The following PDLIM5 variants were observed in gnomAD, a reference collection of about 807,000 sequenced individuals.
PDLIM5 encodes the protein PDZ and LIM domain 5.
In PDLIM5, 34 loss-of-function variants were observed where a neutral mutation model predicts 64.2. The ratio of observed to expected loss-of-function variants is 0.53; its 90% CI spans 0.40 to 0.71. PDLIM5 has a LOEUF of 0.71. PDLIM5 is among the 30% of genes least tolerant of loss of function. PDLIM5 has a pLI of 0.00. For missense variants in PDLIM5, 683 were observed against 733.6 expected (o/e 0.93, Z 0.80); for synonymous variants, 253 against 269.1 (o/e 0.94, Z 0.59).
At chr4:94,495,709 A>T (rs1232717333) in intron 2 of PDLIM5, among the ~76,000 whole-genome samples, 3 of 152,222 alleles carry the variant, frequency 2.0e-5, no homozygotes, top group Admixed American at 6.5e-5. Context: ...GGAGGCCCCC[A>T]GTGAGGAATG....
At chr4:94,531,609 G>A (rs2110156993) in intron 3 of PDLIM5, among the ~76,000 whole-genome samples, 1 of 152,282 alleles carries the variant, frequency 6.6e-6, no homozygotes, top group African/African-American at 2.4e-5. Context: ...TGGGCCACAT[G>A]CAGCCTGTGG....
chr4:94,603,672 C>T (rs1454425751), intron 7 of PDLIM5, among the ~76,000 whole-genome samples: 5 of 152,122 alleles, frequency 3.3e-5, no homozygotes, highest in African/African-American at 4.8e-5. Flanking sequence ...GGCTCTTTGC[C>T]GTGTATGTGT....
intron 2 of PDLIM5, among the ~76,000 whole-genome samples, chr4:94,463,610 G>A (rs151268111): frequency 2.7e-3 from 407 of 152,242 alleles, no homozygotes; most frequent in African/African-American, 8.8e-3. Flanking sequence ...AGGTTAGGTG[G>A]AGGTGGAAGG....
rs953426896 is a variant in PDLIM5, at chr4:94,665,767, C to T, written c.*1700C>T. ...AAATTGAGACTTTTTGTGGTTTTCT[C>T]TCAATAATAAGTGAACCAATTTCAA... On this transcript the variant is annotated 3_prime_UTR_variant, in exon 13 of 13. Coordinates refer to ENST00000317968, the MANE Select transcript of PDLIM5 (RefSeq NM_006457.5). 1.6e-6 allele frequency: 2 copies of T among 1,247,432 alleles called. No individual in the cohort carries two copies. The highest frequency in any genetic ancestry group is 2.0e-6 in the Non-Finnish European group (2 of 996,784). 77.3% of individuals were successfully genotyped at this position (1,247,432 alleles called of 1,614,324 possible).
chr4:94,542,083 G>A (rs1348509700), intron 3 of PDLIM5, among the ~76,000 whole-genome samples: 2 of 152,090 alleles, frequency 1.3e-5, no homozygotes, highest in Non-Finnish European at 2.9e-5. Flanking sequence ...AGGCTGAGGT[G>A]GGCAGATCAC....
intron 3 of PDLIM5, among the ~76,000 whole-genome samples, chr4:94,569,680 A>G (rs1203277241): frequency 6.6e-6 from 1 of 152,152 alleles, no homozygotes. Flanking sequence ...TGACACCTAA[A>G]TCATGAGATT....
intron 9 of PDLIM5, among the ~76,000 whole-genome samples, chr4:94,646,862 C>T (rs1204649446): frequency 1.3e-5 from 2 of 152,164 alleles, no homozygotes; most frequent in Admixed American, 1.3e-4. Flanking sequence ...TAACCAGTCT[C>T]CTTTTAAATT....
intron 2 of PDLIM5, among the ~76,000 whole-genome samples, chr4:94,504,585 C>T (rs986542758): frequency 8.6e-5 from 13 of 151,912 alleles, no homozygotes; most frequent in Non-Finnish European, 1.5e-4. Context: ...GTGCCTGGCC[C>T]GTTACGCTAT....
At chr4:94,578,600 A>G (rs1324615144) in intron 5 of PDLIM5, among the ~76,000 whole-genome samples, 1 of 152,170 alleles carries the variant, frequency 6.6e-6, no homozygotes, top group Non-Finnish European at 1.5e-5. Context: ...ACTGAGAAAT[A>G]AAAATAAATT....
In PDLIM5 at chr4:94,482,714, C is replaced by A. The variant is rs377044724; in HGVS notation, c.96+27330C>A. ...GACCAGCCTGAGCAACATAGTGAGA[C>A]CCTGCTTCTACAAAAAATTAAAAAA... On this transcript the variant is annotated intron_variant, in intron 2 of 12. Transcript: ENST00000317968. 4.0e-4 allele frequency among the ~76,000 whole-genome samples: 61 copies of A among 152,010 alleles called. No homozygotes were observed. In the East Asian group the frequency reaches 8.3e-3, roughly 21 times the overall value.
chr4:94,620,701 A>C (rs1739151851), intron 8 of PDLIM5, among the ~76,000 whole-genome samples: 1 of 152,018 alleles, frequency 6.6e-6, no homozygotes, highest in Non-Finnish European at 1.5e-5. Context: ...TTATTTTTAG[A>C]AAACGTTATT....
Position 94,665,084 on chromosome 4 carries a change from A to G in PDLIM5, c.*1017A>G, listed in dbSNP as rs1346461694. ...ATGTGATTGTTTCTATTCATTGTGT[A>G]TGCTTCATCACCTATATTAGGCAAA... On this transcript the variant is annotated 3_prime_UTR_variant, in exon 13 of 13. Coordinates refer to ENST00000317968, the MANE Select transcript of PDLIM5 (RefSeq NM_006457.5). 1.0e-6 allele frequency: 1 copy of G among 964,468 alleles called. No homozygotes were observed. The highest frequency in any genetic ancestry group is 1.8e-5 in the African/African-American group (1 of 56,486). The allele number at this position is 964,468 out of a possible 1,614,324, so 59.7% of individuals were successfully genotyped here.
At chr4:94,649,149 T>A (rs1230869635) in intron 9 of PDLIM5, among the ~76,000 whole-genome samples, 1 of 152,038 alleles carries the variant, frequency 6.6e-6, no homozygotes. Context: ...CTAATTTTTG[T>A]ATTTTTAGTA....
chr4:94,571,327 T>C (rs1473819912), intron 3 of PDLIM5, among the ~76,000 whole-genome samples: 1 of 152,214 alleles, frequency 6.6e-6, no homozygotes, highest in Non-Finnish European at 1.5e-5. Flanking sequence ...TTTACAAAAG[T>C]CAATCAACTT....
chr4:94,471,750 T>C (rs546530619), intron 2 of PDLIM5, among the ~76,000 whole-genome samples: 1 of 152,250 alleles, frequency 6.6e-6, no homozygotes, highest in East Asian at 1.9e-4. Context: ...CATAGGATTG[T>C]TGAGAAAATT....
rs1490577810 is a variant in PDLIM5 at position 94,481,375 on chromosome 4, C to T, written c.96+25991C>T. ...TGCGATCTCAGCTCACTGCAACCTC[C>T]GCCTCCCTGGTTCAAGCGATGCCTC... On this transcript the variant is annotated intron_variant, in intron 2 of 12. Coordinates refer to ENST00000317968, the MANE Select transcript of PDLIM5 (RefSeq NM_006457.5). 1.0e-4 allele frequency among the ~76,000 whole-genome samples: 15 copies of T among 150,254 alleles called. No homozygotes were observed. The East Asian group carries it at 2.4e-3, about 24-fold the overall frequency.
intron 2 of PDLIM5, among the ~76,000 whole-genome samples, chr4:94,504,622 A>T (rs2110089963): frequency 6.6e-6 from 1 of 152,232 alleles, no homozygotes; most frequent in South Asian, 2.1e-4. Flanking sequence ...TACCATATGT[A>T]ACTGAAATTG....
chr4:94,638,987 CAGAAG>C (rs1740788995), intron 8 of PDLIM5, among the ~76,000 whole-genome samples: 1 of 152,062 alleles, frequency 6.6e-6, no homozygotes. Context: ...TATGAGAACA[CAGAAG>C]AGAAACATTT....
intron 11 of PDLIM5, among the ~76,000 whole-genome samples, chr4:94,661,758 A>ATT (rs1742735951): frequency 6.6e-6 from 1 of 151,732 alleles, no homozygotes; most frequent in Admixed American, 6.6e-5. Context: ...GTTGCTAGTT[A>ATT]TTAGAAGTCC....
Sources: allele counts gnomAD v4.1 joint callset (sites outside exome capture counted in the v4.1 genomes callset), GRCh38; gene constraint gnomAD v4.1.1; transcripts MANE v1.5; gene names NCBI Gene and HGNC (gene_info 2026-07-23, HGNC 2026-07-21).